RUNDC3B: variants seen among roughly 807,000 people sequenced by gnomAD.
The protein encoded by RUNDC3B is RUN domain-containing protein 3B.
In RUNDC3B, 33 loss-of-function variants were observed where a neutral mutation model predicts 58.4. That is an observed-to-expected ratio of 0.56 (90% CI 0.43 to 0.75). The LOEUF (loss-of-function observed/expected upper bound fraction) is 0.75. Ranked by LOEUF, RUNDC3B falls within the 30% of genes least tolerant of loss-of-function variation. RUNDC3B has a pLI of 0.00. For missense variants in RUNDC3B, 501 were observed against 535.7 expected (o/e 0.94, Z 0.64); for synonymous variants, 193 against 195.2 (o/e 0.99, Z 0.10).
intron 1 of RUNDC3B, among the ~76,000 whole-genome samples, chr7:87,630,372 C>A (rs563641528): frequency 4.6e-5 from 7 of 152,182 alleles, no homozygotes; most frequent in Non-Finnish European, 1.0e-4. Flanking sequence ...ATTATTACAG[C>A]ACTTTGAGTT....
chr7:87,775,078 A>G (rs1223013765), intron 7 of RUNDC3B, among the ~76,000 whole-genome samples: 1 of 152,214 alleles, frequency 6.6e-6, no homozygotes, highest in Non-Finnish European at 1.5e-5. Flanking sequence ...AAAAACAAAA[A>G]AGTTAAATGT....
At chr7:87,743,960 TC>T (rs1832500401) in intron 6 of RUNDC3B, among the ~76,000 whole-genome samples, 1 of 152,252 alleles carries the variant, frequency 6.6e-6, no homozygotes, top group African/African-American at 2.4e-5. Context: ...TAGGTTTTAG[TC>T]CTTAATCCAT....
intron 3 of RUNDC3B, 66 bp from the exon 4 acceptor site, chr7:87,710,504 T>C: frequency 1.2e-6 from 1 of 868,400 alleles, no homozygotes; most frequent in Non-Finnish European, 1.8e-6. Context: ...AAAATATTTT[T>C]GATGGCACAG....
At chr7:87,713,945 T>C (rs1172259959) in intron 4 of RUNDC3B, among the ~76,000 whole-genome samples, 1 of 152,194 alleles carries the variant, frequency 6.6e-6, no homozygotes, top group African/African-American at 2.4e-5. Flanking sequence ...ATGAAAAAGT[T>C]GTGTTCCAAA....
Position 87,802,039 on chromosome 7 carries a change from CAG to C in RUNDC3B, c.957-5331_957-5330del, listed in dbSNP as rs1836190783. Among the ~76,000 whole-genome samples the C allele has an allele frequency of 2.0e-5, 3 of 152,056 alleles. 1 individual carries two copies. The South Asian group carries it at 6.2e-4, about 32-fold the overall frequency. ...AAGTCCTTGGTGTTTATAATTAATC[CAG>C]AGTCTTATTGTATTGCATTATATTG... On this transcript the variant is annotated intron_variant, in intron 8 of 10. Transcript: ENST00000394654.
intron 2 of RUNDC3B, among the ~76,000 whole-genome samples, chr7:87,684,370 A>G (rs77681723): frequency 0.026 from 3,937 of 152,304 alleles, 168 homozygotes; most frequent in African/African-American, 0.089. Context: ...TGGAATAGGC[A>G]AAACAATTTC....
intron 10 of RUNDC3B, among the ~76,000 whole-genome samples, chr7:87,821,437 G>A (rs923112955): frequency 1.4e-4 from 22 of 152,164 alleles, no homozygotes; most frequent in African/African-American, 2.4e-4. Flanking sequence ...GGTAGGAAGA[G>A]TCAATATTGT....
chr7:87,643,393 AAC>A (rs1366670674), intron 1 of RUNDC3B, among the ~76,000 whole-genome samples: 2 of 152,206 alleles, frequency 1.3e-5, no homozygotes, highest in Non-Finnish European at 2.9e-5. Context: ...GCCTGTGGAC[AAC>A]AGTCTGTAGA....
chr7:87,769,254 G>A (rs1183279462), intron 6 of RUNDC3B, among the ~76,000 whole-genome samples: 10 of 151,030 alleles, frequency 6.6e-5, no homozygotes, highest in Middle Eastern at 3.2e-3. Flanking sequence ...CAAGTGATCC[G>A]CCCACCTTGG....
intron 2 of RUNDC3B, among the ~76,000 whole-genome samples, chr7:87,675,722 C>T (rs1165628342): frequency 1.4e-5 from 2 of 147,168 alleles, no homozygotes; most frequent in Admixed American, 6.7e-5. Flanking sequence ...AGAGAGAAAT[C>T]GGACCTTTCT....
At chr7:87,641,209 T>C (rs1328350839) in intron 1 of RUNDC3B, among the ~76,000 whole-genome samples, 1 of 152,230 alleles carries the variant, frequency 6.6e-6, no homozygotes, top group African/African-American at 2.4e-5. Flanking sequence ...CATAAGAACA[T>C]AGTATACAGT....
At chr7:87,815,186 C>T (rs1325888585) in intron 9 of RUNDC3B, among the ~76,000 whole-genome samples, 1 of 151,898 alleles carries the variant, frequency 6.6e-6, no homozygotes, top group African/African-American at 2.4e-5. Flanking sequence ...TTCTGAAAAC[C>T]TGTAACTAAG....
intron 1 of RUNDC3B, among the ~76,000 whole-genome samples, chr7:87,647,747 A>G (rs1823156014): frequency 6.6e-6 from 1 of 152,052 alleles, no homozygotes; most frequent in Non-Finnish European, 1.5e-5. Flanking sequence ...ACCATTACAT[A>G]ACTAACAAAT....
At chr7:87,732,532 A>G (rs746229748) in intron 4 of RUNDC3B, among the ~76,000 whole-genome samples, 1 of 152,182 alleles carries the variant, frequency 6.6e-6, no homozygotes, top group Non-Finnish European at 1.5e-5. Context: ...GGCACCAGAT[A>G]TTGCAGGATC....
At chr7:87,817,614 C>T (rs77445263) in intron 10 of RUNDC3B, among the ~76,000 whole-genome samples, 3,182 of 152,196 alleles carry the variant, frequency 0.021, 49 homozygotes, top group Admixed American at 0.035. Flanking sequence ...AAGGCCTTTG[C>T]GTGGTAGATT....
At chr7:87,730,729 A>G (rs780959011) in intron 4 of RUNDC3B, among the ~76,000 whole-genome samples, 2 of 151,988 alleles carry the variant, frequency 1.3e-5, no homozygotes, top group Non-Finnish European at 2.9e-5. Context: ...AGTGGTAGCC[A>G]GGCAGTAGCC....
At chr7:87,654,504 G>A (rs1015761827) in intron 2 of RUNDC3B, among the ~76,000 whole-genome samples, 1 of 152,078 alleles carries the variant, frequency 6.6e-6, no homozygotes, top group Admixed American at 6.6e-5. Context: ...TTAATAAAGG[G>A]TGTTGAGACA....
At chr7:87,742,612 A>G (rs954093380) in intron 6 of RUNDC3B, among the ~76,000 whole-genome samples, 1 of 151,876 alleles carries the variant, frequency 6.6e-6, no homozygotes, top group Non-Finnish European at 1.5e-5. Context: ...AGATAGATAG[A>G]TAGATAGATA....
chr7:87,674,208 G>A (rs753590610), intron 2 of RUNDC3B, among the ~76,000 whole-genome samples: 8 of 152,214 alleles, frequency 5.3e-5, no homozygotes, highest in Non-Finnish European at 8.8e-5. Flanking sequence ...ATCTGCAGAA[G>A]TATAGCGAGG....
Sources: allele counts gnomAD v4.1 joint callset (sites outside exome capture counted in the v4.1 genomes callset), GRCh38; gene constraint gnomAD v4.1.1; transcripts MANE v1.5; gene names NCBI Gene and HGNC (gene_info 2026-07-23, HGNC 2026-07-21).